PCDHGA12: variants seen among roughly 807,000 people sequenced by gnomAD.
The protein encoded by PCDHGA12 is protocadherin gamma subfamily A, 12, also known as protocadherin gamma-A12.
PCDHGA12 carries 43 observed loss-of-function variants against 61.1 expected under a neutral mutation model. The observed-to-expected ratio is 0.70, with a 90% CI of 0.55 to 0.91. The LOEUF is 0.91. PCDHGA12 is among the 40% of genes least tolerant of loss of function. The pLI, the probability that PCDHGA12 is intolerant of heterozygous loss-of-function variation, is 0.00. For missense variants in PCDHGA12, 1,236 were observed against 1,227.7 expected (o/e 1.01, Z -0.10); for synonymous variants, 520 against 542.9 (o/e 0.96, Z 0.59).
In PCDHGA12 at chr5:141,477,017, A is replaced by G; in HGVS notation, c.2425-17790A>G. 2 of 1,614,220 alleles carry G rather than the reference A, an allele frequency of 1.2e-6. No homozygotes were observed. The highest frequency in any genetic ancestry group is 2.2e-5 in the East Asian group (1 of 44,868). ...GCAACTATTCGCCTTAGACCTTGTA[A>G]CCGGGATGCTGACAATCAAGGGTCG... On this transcript the variant is annotated intron_variant, in intron 1 of 3. Coordinates refer to ENST00000252085, the MANE Select transcript of PCDHGA12 (RefSeq NM_003735.3). This position sits in a 1 kb window ranked among gnomAD's most constrained non-coding sequence, Gnocchi z 4.9.
rs376527354 is a variant in PCDHGA12, at chr5:141,439,129, G to A, written c.2424+5946G>A. Among the ~76,000 whole-genome samples the A allele has an allele frequency of 7.3e-5, 11 of 151,064 alleles. No individual in the cohort carries two copies. The South Asian group carries it at 2.3e-3, about 32-fold the overall frequency. The stretch of plus-strand genomic sequence containing the variant: ...AATCACTTGAACCCGGGAGACAGAG[G>A]TTGCAGTGAGCTGAGATCACGCCAC... On this transcript the variant is annotated intron_variant, in intron 1 of 3. Coordinates refer to ENST00000252085, the MANE Select transcript of PCDHGA12 (RefSeq NM_003735.3).
At chr5:141,437,013 A>G (rs570721163) in intron 1 of PCDHGA12, among the ~76,000 whole-genome samples, 146 of 152,354 alleles carry the variant, frequency 9.6e-4, no homozygotes, top group Non-Finnish European at 1.2e-3. Flanking sequence ...ATCTTAGATA[A>G]TTTCACCAGA....
In PCDHGA12 at chr5:141,506,176, C is replaced by T. The variant is rs183157987; in HGVS notation, c.2572+695C>T. ...CCTTAAGAGCACAGCCTAAGCTGGG[C>T]GTGGTGGCTCACGCCTGTAATCCCA... is the stretch of plus-strand genomic sequence containing the variant. On this transcript the variant is annotated intron_variant, in intron 3 of 3. Coordinates refer to ENST00000252085, the MANE Select transcript of PCDHGA12 (RefSeq NM_003735.3). Among the ~76,000 whole-genome samples the T allele has an allele frequency of 3.0e-3, 454 of 152,234 alleles. 1 individual carries two copies. The highest frequency in any genetic ancestry group is 0.021 in the Admixed American group (317 of 15,296).
At chr5:141,437,195 A>G (rs2097867163) in intron 1 of PCDHGA12, among the ~76,000 whole-genome samples, 2 of 152,180 alleles carry the variant, frequency 1.3e-5, no homozygotes, top group African/African-American at 4.8e-5. Context: ...ATGGGTTTGG[A>G]TGTGTTTACA....
intron 1 of PCDHGA12, among the ~76,000 whole-genome samples, chr5:141,463,209 A>G (rs1189251811): frequency 6.6e-6 from 1 of 152,140 alleles, no homozygotes; most frequent in African/African-American, 2.4e-5. Flanking sequence ...TTGGGGATCC[A>G]TATTAATATT....
chr5:141,485,993 A>C lies in PCDHGA12; in HGVS notation c.2425-8814A>C. 6.2e-7 allele frequency: 1 copy of C among 1,614,210 alleles called. No homozygotes were observed. Among genetic ancestry groups the C allele is most frequent in the Non-Finnish European group, 8.5e-7 (1 of 1,180,028 alleles). On this transcript the variant is annotated intron_variant, in intron 1 of 3. Coordinates refer to ENST00000252085, the MANE Select transcript of PCDHGA12 (RefSeq NM_003735.3). The surrounding 1 kb of genome is among the most constrained non-coding windows in gnomAD (Gnocchi z 5.7). ...TGCCTCAGACCCGGACCTGGGTCCC[A>C]GTGGTAACGTCACCTTTTATTTCAG...
Position 141,475,033 on chromosome 5 carries a change from A to G in PCDHGA12, c.2425-19774A>G, listed in dbSNP as rs1223709259. 2.0e-5 allele frequency among the ~76,000 whole-genome samples: 3 copies of G among 152,362 alleles called. No individual in the cohort carries two copies. In the East Asian group the frequency reaches 5.8e-4, roughly 29 times the overall value. ...TTAAGGCTCTTTATTCTGTGACTAA[A>G]GGCTTTGTATTTTCTAAAGATTTGT... is the stretch of plus-strand genomic sequence containing the variant. On this transcript the variant is annotated intron_variant, in intron 1 of 3. Transcript: ENST00000252085.
chr5:141,490,336 G>T lies in PCDHGA12; in HGVS notation c.2425-4471G>T. 2 of 1,614,224 alleles carry T rather than the reference G, an allele frequency of 1.2e-6. No individual in the cohort carries two copies. The highest frequency in any genetic ancestry group is 8.5e-7 in the Non-Finnish European group (1 of 1,180,040). ...CCCTGTCCTAGAGAGCACACCAGTGGGCACAGTAGTGGGGTTGTTTAATGT... is the reference window on the plus strand; with the variant it reads ...CCCTGTCCTAGAGAGCACACCAGTGTGCACAGTAGTGGGGTTGTTTAATGT... On this transcript the variant is annotated intron_variant, in intron 1 of 3. Transcript: ENST00000252085. This position sits in a 1 kb window ranked among gnomAD's most constrained non-coding sequence, Gnocchi z 5.4.
chr5:141,440,503 G>A (rs979260104), intron 1 of PCDHGA12: 10 of 152,154 alleles, frequency 6.6e-5, no homozygotes, highest in Non-Finnish European at 1.0e-4. Flanking sequence ...ACATTAATAT[G>A]GAGATTCAGG....
chr5:141,495,833 G>A (rs559689667), intron 2 of PCDHGA12, among the ~76,000 whole-genome samples: 3 of 151,876 alleles, frequency 2.0e-5, no homozygotes, highest in African/African-American at 4.8e-5. Context: ...TCTATCCCCA[G>A]CCTCTATGTT....
chr5:141,450,815 A>AT (rs1554136868), intron 1 of PCDHGA12, among the ~76,000 whole-genome samples: 4,329 of 126,688 alleles, frequency 0.034, 70 homozygotes, highest in Middle Eastern at 0.091. Flanking sequence ...TATTTATTTA[A>AT]TATTATTATT....
chr5:141,432,435 C>T lies in PCDHGA12; in HGVS notation c.1676C>T (p.Ala559Val). 1 of 1,614,212 alleles carries T rather than the reference C, an allele frequency of 6.2e-7. No homozygotes were observed. Among genetic ancestry groups the T allele is most frequent in the Non-Finnish European group, 8.5e-7 (1 of 1,180,038 alleles). The stretch of plus-strand genomic sequence containing the variant: ...TTCGTGCTGGACCAGAACGACAATG[C>T]GCCCGAGATCCTGTACCCCGCCCTC... ...SLFVLDQNDN[A>V]PEILYPALPT... Residue 559 changes from alanine to valine, a missense_variant, in exon 1 of 4, where the codon GCG becomes GTG. By Grantham distance (64) the Ala-to-Val change is moderately conservative. Transcript: ENST00000252085. This position sits in a 1 kb window ranked among gnomAD's most constrained non-coding sequence, Gnocchi z 6.0.
Position 141,476,263 on chromosome 5 carries a change from C to G in PCDHGA12, c.2425-18544C>G. 13 of 1,613,940 alleles carry G rather than the reference C, an allele frequency of 8.1e-6. No individual in the cohort carries two copies. Among genetic ancestry groups the G allele is most frequent in the Non-Finnish European group, 1.1e-5 (13 of 1,180,010 alleles). On this transcript the variant is annotated intron_variant, in intron 1 of 3. Transcript: ENST00000252085. This position sits in a 1 kb window ranked among gnomAD's most constrained non-coding sequence, Gnocchi z 7.6. ...GAGAGAAGGGTTTCGCTGTGGGCAA[C>G]GTGGTCGCGAACCTTGGTTTGGATC...
intron 1 of PCDHGA12, among the ~76,000 whole-genome samples, chr5:141,444,199 T>C (rs2098425653): frequency 7.4e-6 from 1 of 134,516 alleles, no homozygotes; most frequent in African/African-American, 2.9e-5. Context: ...GAGATGGAGT[T>C]TCACTCTTGT....
intron 1 of PCDHGA12, among the ~76,000 whole-genome samples, chr5:141,444,357 G>C (rs1258703336): frequency 3.3e-5 from 5 of 151,798 alleles, no homozygotes; most frequent in African/African-American, 9.7e-5. Flanking sequence ...TTTTAGTAGA[G>C]ACGGGGTTTC....
At position 141,511,648 on chromosome 5, in the gene PCDHGA12, G is replaced by T. The variant is rs553080689; in HGVS notation, c.*475G>T. The T allele has an allele frequency of 1.4e-5, 3 of 214,700 alleles. No homozygotes were observed. Among genetic ancestry groups the T allele is most frequent in the East Asian group, 2.1e-4 (2 of 9,414 alleles). The allele number at this position is 214,700 out of a possible 1,614,324, so 13.3% of individuals were successfully genotyped here. A position where few individuals can be genotyped will look rare whatever the true frequency, so the allele number is the denominator to read the frequency against. On this transcript the variant is annotated 3_prime_UTR_variant, in exon 4 of 4. Coordinates refer to ENST00000252085, the MANE Select transcript of PCDHGA12 (RefSeq NM_003735.3). ...AGTTGGAAGGGCATCATGACCTCTTGGCCTCTCCTTTGATTCTCAATCTTC... is the reference window on the plus strand; with the variant it reads ...AGTTGGAAGGGCATCATGACCTCTTTGCCTCTCCTTTGATTCTCAATCTTC...
At chr5:141,496,693 C>T (rs2099770546) in intron 2 of PCDHGA12, among the ~76,000 whole-genome samples, 1 of 152,164 alleles carries the variant, frequency 6.6e-6, no homozygotes, top group South Asian at 2.1e-4. Context: ...CCTTGCCAAC[C>T]TTCTCATAAG....
Position 141,477,749 on chromosome 5 carries a change from C to T in PCDHGA12, c.2425-17058C>T. The stretch of plus-strand genomic sequence containing the variant: ...AGCTCATATCAGCGATGGGGGCACC[C>T]CGGTCCTAGCCACCAACATCAGCGT... On this transcript the variant is annotated intron_variant, in intron 1 of 3. Transcript: ENST00000252085. The surrounding 1 kb of genome is among the most constrained non-coding windows in gnomAD (Gnocchi z 4.9). 1 of 1,613,904 alleles carries T rather than the reference C, an allele frequency of 6.2e-7. No homozygotes were observed. Among genetic ancestry groups the T allele is most frequent in the Non-Finnish European group, 8.5e-7 (1 of 1,180,030 alleles).
At chr5:141,499,553 A>T (rs1215178587) in intron 2 of PCDHGA12, among the ~76,000 whole-genome samples, 3 of 152,206 alleles carry the variant, frequency 2.0e-5, no homozygotes, top group African/African-American at 4.8e-5. Context: ...CCTGTATGAT[A>T]CCACTATCCA....
Sources: gnomAD v4.1 joint callset for allele counts (sites outside exome capture counted in the v4.1 genomes callset) on GRCh38, gnomAD v4.1.1 for gene constraint, Gnocchi (gnomAD v3.1) non-coding constraint, MANE v1.5 for transcripts, NCBI Gene and HGNC (gene_info 2026-07-23, HGNC 2026-07-21) for gene names.